TBC1D5: variants seen among roughly 807,000 people sequenced by gnomAD.
The protein encoded by TBC1D5 is TBC1 domain family member 5, also known as TBC1 domain family, member 5.
Under a neutral mutation model 100.3 loss-of-function variants are expected in TBC1D5, and 75 were observed. The ratio of observed to expected loss-of-function variants is 0.75; its 90% CI spans 0.62 to 0.91. The LOEUF is 0.91. Among genes scored for constraint, TBC1D5 ranks in the 40% least tolerant of loss-of-function variants. TBC1D5 has a pLI of 0.00. For missense variants in TBC1D5, 910 were observed against 942.4 expected (o/e 0.97, Z 0.45); for synonymous variants, 323 against 325.6 (o/e 0.99, Z 0.09).
chr3:17,186,017 T>C (rs1230606065), intron 18 of TBC1D5, among the ~76,000 whole-genome samples: 1 of 151,058 alleles, frequency 6.6e-6, no homozygotes, highest in Non-Finnish European at 1.5e-5. Flanking sequence ...CCCAAGGAAA[T>C]TTGGAAGATT....
chr3:17,190,177 G>C (rs1325507920), intron 18 of TBC1D5, among the ~76,000 whole-genome samples: 2 of 152,128 alleles, frequency 1.3e-5, no homozygotes, highest in Non-Finnish European at 2.9e-5. Flanking sequence ...TTTCAAAAGT[G>C]ATGTTTGTTT....
At chr3:17,602,675 C>T (rs2061050380) in intron 2 of TBC1D5, among the ~76,000 whole-genome samples, 1 of 144,006 alleles carries the variant, frequency 6.9e-6, no homozygotes, top group South Asian at 2.2e-4. Flanking sequence ...TGGGTTCGTG[C>T]CATTCTCCTG....
At chr3:17,536,515 CTTG>C (rs993287382) in intron 2 of TBC1D5, among the ~76,000 whole-genome samples, 2 of 152,162 alleles carry the variant, frequency 1.3e-5, no homozygotes, top group Admixed American at 1.3e-4. Flanking sequence ...AACCAAATCT[CTTG>C]TTAACAAAAA....
chr3:17,367,606 C>G (rs2092229833), intron 13 of TBC1D5, among the ~76,000 whole-genome samples: 1 of 152,008 alleles, frequency 6.6e-6, no homozygotes, highest in Non-Finnish European at 1.5e-5. Context: ...CACGTGTAAC[C>G]CCAGCACTTT....
chr3:17,369,053 C>A (rs2092325882), intron 13 of TBC1D5, among the ~76,000 whole-genome samples: 1 of 152,078 alleles, frequency 6.6e-6, no homozygotes, highest in Non-Finnish European at 1.5e-5. Context: ...TAATTCATTT[C>A]CATGAGATAC....
At chr3:17,284,111 C>CACAT (rs2080901901) in intron 15 of TBC1D5, among the ~76,000 whole-genome samples, 1 of 150,860 alleles carries the variant, frequency 6.6e-6, no homozygotes. Flanking sequence ...CACACACACA[C>CACAT]ACACACACAC....
chr3:17,710,432 C>T (rs937671438), intron 1 of TBC1D5, among the ~76,000 whole-genome samples: 57 of 151,830 alleles, frequency 3.8e-4, no homozygotes, highest in African/African-American at 1.3e-3. Flanking sequence ...GGTATGGTGC[C>T]GCATGATTGT....
At chr3:17,545,058 A>T (rs184885198) in intron 2 of TBC1D5, among the ~76,000 whole-genome samples, 22 of 152,284 alleles carry the variant, frequency 1.4e-4, no homozygotes, top group East Asian at 1.2e-3. Flanking sequence ...ATCAATTTTT[A>T]AAAATAATAA....
chr3:17,737,536 G>A (rs551031761), intron 1 of TBC1D5, among the ~76,000 whole-genome samples: 49 of 152,200 alleles, frequency 3.2e-4, no homozygotes, highest in African/African-American at 1.2e-3. Flanking sequence ...TCTATAATGG[G>A]GGGAGGTGGC....
At chr3:17,651,028 G>A (rs2065495930) in intron 1 of TBC1D5, among the ~76,000 whole-genome samples, 1 of 152,098 alleles carries the variant, frequency 6.6e-6, no homozygotes, top group African/African-American at 2.4e-5. Context: ...TACTATTATT[G>A]GGATAGCTGC....
chr3:17,477,714 A>G (rs951516920), intron 3 of TBC1D5, among the ~76,000 whole-genome samples: 1 of 152,050 alleles, frequency 6.6e-6, no homozygotes, highest in Non-Finnish European at 1.5e-5. Flanking sequence ...TTGATGTGTA[A>G]AATATAACCT....
At chr3:17,555,346 A>G (rs1489100687) in intron 2 of TBC1D5, among the ~76,000 whole-genome samples, 1 of 152,186 alleles carries the variant, frequency 6.6e-6, no homozygotes, top group East Asian at 1.9e-4. Flanking sequence ...TATACGTTTC[A>G]GGGATACATA....
chr3:17,408,457 G>A (rs1162781443), intron 4 of TBC1D5, among the ~76,000 whole-genome samples: 1 of 151,922 alleles, frequency 6.6e-6, no homozygotes, highest in East Asian at 1.9e-4. Flanking sequence ...CTACTCAGGA[G>A]GGACCACAGG....
chr3:17,435,630 T>C (rs2094521574), intron 3 of TBC1D5, among the ~76,000 whole-genome samples: 2 of 152,040 alleles, frequency 1.3e-5, no homozygotes, highest in South Asian at 4.1e-4. Context: ...CCATGACACA[T>C]GGGGATTATG....
At chr3:17,328,849 A>G (rs1389265522) in intron 13 of TBC1D5, among the ~76,000 whole-genome samples, 1 of 152,212 alleles carries the variant, frequency 6.6e-6, no homozygotes, top group African/African-American at 2.4e-5. Flanking sequence ...ATCAATGTGG[A>G]TCCACAAATA....
intron 13 of TBC1D5, among the ~76,000 whole-genome samples, chr3:17,346,782 T>C (rs1008868058): frequency 6.6e-6 from 1 of 152,188 alleles, no homozygotes; most frequent in Non-Finnish European, 1.5e-5. Flanking sequence ...ACAGATTTAT[T>C]ATCCATTGTC....
chr3:17,630,319 C>T (rs1208680004), intron 1 of TBC1D5, among the ~76,000 whole-genome samples: 1 of 152,168 alleles, frequency 6.6e-6, no homozygotes, highest in African/African-American at 2.4e-5. Flanking sequence ...GCAAGTCTAT[C>T]ATATATATGT....
chr3:17,705,514 T>G (rs1244000636), intron 1 of TBC1D5, among the ~76,000 whole-genome samples: 2 of 129,654 alleles, frequency 1.5e-5, no homozygotes, highest in African/African-American at 3.0e-5. Context: ...AGGCGGAGGG[T>G]CTCCTCACTT....
chr3:17,716,857 T>C (rs956308120), intron 1 of TBC1D5, among the ~76,000 whole-genome samples: 1 of 151,934 alleles, frequency 6.6e-6, no homozygotes, highest in Non-Finnish European at 1.5e-5. Flanking sequence ...TTTATTAATC[T>C]GAGTGTTTGT....
Sources: gnomAD v4.1 joint callset for allele counts (sites outside exome capture counted in the v4.1 genomes callset) on GRCh38, gnomAD v4.1.1 for gene constraint, MANE v1.5 for transcripts, NCBI Gene and HGNC (gene_info 2026-07-23, HGNC 2026-07-21) for gene names.